PAQR5: variants seen among roughly 807,000 people sequenced by gnomAD.
PAQR5 encodes the protein progestin and adipoQ receptor family member 5.
In PAQR5, 20 loss-of-function variants were observed where a neutral mutation model predicts 34.5. The observed-to-expected ratio is 0.58, with a 90% CI of 0.41 to 0.84. The LOEUF (loss-of-function observed/expected upper bound fraction) is 0.84, where lower values mean the gene tolerates loss of function less well. Among genes scored for constraint, PAQR5 ranks in the 40% least tolerant of loss-of-function variants. PAQR5 has a pLI of 0.00. For synonymous variants in PAQR5, 131 were observed against 155.6 expected, an observed-to-expected ratio of 0.84 and a Z score of 1.18; for missense variants, 378 against 412.7, an observed-to-expected ratio of 0.92 and a Z score of 0.73.
intron 2 of PAQR5, among the ~76,000 whole-genome samples, chr15:69,345,803 G>A (rs780286042): frequency 1.4e-4 from 22 of 152,036 alleles, no homozygotes; most frequent in Non-Finnish European, 2.8e-4. Flanking sequence ...CATAGTCAGG[G>A]GTGCCTGTAG....
rs1235264927 is a variant in PAQR5, at chr15:69,378,436, CAAAA to C, written c.52-1427_52-1424del. Among the ~76,000 whole-genome samples the C allele has an allele frequency of 9.5e-5, 5 of 52,524 alleles. No homozygotes were observed. The South Asian group carries it at 4.0e-3, about 42-fold the overall frequency. The allele number at this position is 52,524 out of a possible 152,430, so 34.5% of individuals were successfully genotyped here. ...TGGGCTTCAGATCAAGACCCTGTCT[CAAAA>C]AAAAAAAAAAAAAAAAAAAGAGAGA... is the stretch of plus-strand genomic sequence containing the variant. On this transcript the variant is annotated intron_variant, in intron 3 of 8. Coordinates refer to ENST00000395407, the MANE Select transcript of PAQR5 (RefSeq NM_017705.4).
At chr15:69,335,821 G>A (rs1041399610) in intron 1 of PAQR5, among the ~76,000 whole-genome samples, 4 of 152,138 alleles carry the variant, frequency 2.6e-5, no homozygotes, top group Admixed American at 2.6e-4. Context: ...TTTGTAAAGA[G>A]TTCTAAAAAG....
At chr15:69,302,297 T>G (rs1201389598) in intron 1 of PAQR5, among the ~76,000 whole-genome samples, 1 of 152,034 alleles carries the variant, frequency 6.6e-6, no homozygotes, top group East Asian at 1.9e-4. Context: ...GCTCTCGAAC[T>G]CCTGAGTTCA....
intron 2 of PAQR5, among the ~76,000 whole-genome samples, chr15:69,346,569 C>T (rs1595879453): frequency 6.6e-6 from 1 of 150,950 alleles, no homozygotes; most frequent in East Asian, 1.9e-4. Flanking sequence ...CAAAGTGCCA[C>T]CTTTTATCAC....
intron 3 of PAQR5, among the ~76,000 whole-genome samples, chr15:69,374,782 C>T (rs145465016): frequency 1.3e-5 from 2 of 152,292 alleles, no homozygotes; most frequent in Non-Finnish European, 2.9e-5. Context: ...TCCCCGCTAG[C>T]CTCTAACTAT....
chr15:69,337,999 C>T (rs146255943), intron 2 of PAQR5, among the ~76,000 whole-genome samples: 231 of 152,256 alleles, frequency 1.5e-3, no homozygotes, highest in African/African-American at 5.4e-3. Context: ...ATTGCTTGAA[C>T]CCAGGAGGCA....
At position 69,405,881 on chromosome 15, in the gene PAQR5, C is replaced by A. The variant is rs921573133; in HGVS notation, c.*2059C>A. ...TTTTATAAGTTTGGTAAACTTTAGT[C>A]CCATTATATACTTTTGGGGACAGTG... On this transcript the variant is annotated 3_prime_UTR_variant, in exon 9 of 9. Coordinates refer to ENST00000395407, the MANE Select transcript of PAQR5 (RefSeq NM_017705.4). 6.6e-6 allele frequency: 1 copy of A among 152,100 alleles called. No individual in the cohort carries two copies. The highest frequency in any genetic ancestry group is 2.4e-5 in the African/African-American group (1 of 41,408). 9.4% of individuals were successfully genotyped at this position (152,100 alleles called of 1,614,324 possible).
intron 2 of PAQR5, among the ~76,000 whole-genome samples, chr15:69,351,780 C>T (rs940050439): frequency 1.2e-4 from 18 of 152,112 alleles, no homozygotes; most frequent in South Asian, 2.1e-4. Context: ...CCTTCTACCT[C>T]GGTGTAATTT....
At position 69,300,649 on chromosome 15, in the gene PAQR5, CTTTTCTTTCTTTCTTTCATTCTTTCT is replaced by C. The variant is rs1566985464; in HGVS notation, c.-277+1594_-277+1619del. Among the ~76,000 whole-genome samples the C allele has an allele frequency of 2.9e-4, 5 of 17,334 alleles. 1 individual carries two copies. The Admixed American group carries it at 3.0e-3, about 10-fold the overall frequency. The allele number at this position is 17,334 out of a possible 152,430, so 11.4% of individuals were successfully genotyped here. On this transcript the variant is annotated intron_variant, in intron 1 of 8. Coordinates refer to ENST00000395407, the MANE Select transcript of PAQR5 (RefSeq NM_017705.4). ...TCTTTCTTTCTTTCTTTCTTTCTTT[CTTTTCTTTCTTTCTTTCATTCTTTCT>C]CTTCCTTCCTCCCTCCCTCTCTCTC... is the stretch of plus-strand genomic sequence containing the variant.
chr15:69,307,403 G>T (rs529950697), intron 1 of PAQR5, among the ~76,000 whole-genome samples: 1 of 152,280 alleles, frequency 6.6e-6, no homozygotes, highest in African/African-American at 2.4e-5. Flanking sequence ...TATTAAGGAA[G>T]ACGTGTTTGA....
At chr15:69,399,719 G>A (rs1237204688) in intron 7 of PAQR5, among the ~76,000 whole-genome samples, 1 of 152,170 alleles carries the variant, frequency 6.6e-6, no homozygotes, top group Non-Finnish European at 1.5e-5. Context: ...GAGTATTTGG[G>A]GGATTGAAAT....
intron 2 of PAQR5, among the ~76,000 whole-genome samples, chr15:69,344,376 A>T (rs954021827): frequency 7.2e-5 from 11 of 152,082 alleles, no homozygotes; most frequent in African/African-American, 2.7e-4. Context: ...AATTCCACTC[A>T]TTTCTCCAAA....
At chr15:69,342,259 T>G (rs1023630561) in intron 2 of PAQR5, among the ~76,000 whole-genome samples, 2 of 147,564 alleles carry the variant, frequency 1.4e-5, no homozygotes, top group African/African-American at 2.5e-5. Flanking sequence ...CTATTGGTTG[T>G]TTGTTCTTTT....
intron 2 of PAQR5, among the ~76,000 whole-genome samples, chr15:69,341,585 A>T (rs1030410222): frequency 1.6e-4 from 24 of 152,072 alleles, no homozygotes; most frequent in Admixed American, 6.6e-5. Flanking sequence ...TTGTTTATCC[A>T]TTCATCTGCT....
At chr15:69,370,759 G>A (rs559042593) in intron 3 of PAQR5, among the ~76,000 whole-genome samples, 32 of 152,288 alleles carry the variant, frequency 2.1e-4, no homozygotes, top group Admixed American at 9.8e-4. Context: ...GACCTCAGGT[G>A]ATCCACCCGC....
intron 3 of PAQR5, among the ~76,000 whole-genome samples, chr15:69,377,825 G>A (rs1244479605): frequency 1.3e-5 from 2 of 152,054 alleles, no homozygotes; most frequent in African/African-American, 4.8e-5. Flanking sequence ...GCTTGACTTG[G>A]AACCCCAAGA....
intron 4 of PAQR5, among the ~76,000 whole-genome samples, chr15:69,382,131 T>C (rs2055900360): frequency 6.6e-6 from 1 of 151,994 alleles, no homozygotes; most frequent in African/African-American, 2.4e-5. Flanking sequence ...AGGGAGAAAA[T>C]AGTTCTCTTG....
chr15:69,396,313 C>T (rs1369939353), intron 6 of PAQR5, among the ~76,000 whole-genome samples: 1 of 151,478 alleles, frequency 6.6e-6, no homozygotes, highest in South Asian at 2.1e-4. Flanking sequence ...GGACTGGGAC[C>T]GAGGTTCTTG....
chr15:69,400,105 T>C lies in PAQR5; in HGVS notation c.741T>C (p.Phe247=), dbSNP rs2140264067. ...CAGAACGCCTAGCCCCTGGACGCTT[T>C]GACTACATCGGTGAGTGGGCAACAG... ...HLPERLAPGR[F]DYIGHSHQLF... is the part of the protein sequence containing the mutation. Residue 247 remains phenylalanine, a synonymous_variant, in exon 8 of 9, where the codon TTT becomes TTC. Transcript: ENST00000395407. 1 of 1,613,068 alleles carries C rather than the reference T, an allele frequency of 6.2e-7. No homozygotes were observed. Among genetic ancestry groups the C allele is most frequent in the East Asian group, 2.2e-5 (1 of 44,874 alleles).
Sources: allele counts gnomAD v4.1 joint callset (sites outside exome capture counted in the v4.1 genomes callset), GRCh38; gene constraint gnomAD v4.1.1; transcripts MANE v1.5; gene names NCBI Gene and HGNC (gene_info 2026-07-23, HGNC 2026-07-21).